WWOX: variants seen among roughly 807,000 people sequenced by gnomAD.
WWOX encodes WW domain-containing oxidoreductase.
In WWOX, 69 loss-of-function variants were observed where a neutral mutation model predicts 46.2. The ratio of observed to expected loss-of-function variants is 1.49; its 90% CI spans 1.23 to 1.82. WWOX has a LOEUF of 1.82. Ranked by LOEUF, WWOX falls within the 40% of genes most tolerant of loss-of-function variation. WWOX has a pLI of 0.00. For missense variants in WWOX, 919 were observed against 542.6 expected (o/e 1.69, Z -6.89); for synonymous variants, 359 against 202.6 (o/e 1.77, Z -6.56).
At chr16:78,572,488 A>G (rs1302138091) in intron 8 of WWOX, among the ~76,000 whole-genome samples, 2 of 150,592 alleles carry the variant, frequency 1.3e-5, no homozygotes, top group African/African-American at 4.9e-5. Context: ...CAGGGGTCTC[A>G]GGTACTTGGG....
chr16:78,975,456 A>T (rs1424695370), intron 8 of WWOX, among the ~76,000 whole-genome samples: 5 of 146,350 alleles, frequency 3.4e-5, no homozygotes, highest in African/African-American at 1.3e-4. Flanking sequence ...GGGTTCCCCA[A>T]CCTTTTTTTT....
rs375542888 is a variant in WWOX, at chr16:78,613,911, A to G, written c.1056+181159A>G. On this transcript the variant is annotated intron_variant, in intron 8 of 8. Coordinates refer to ENST00000566780, the MANE Select transcript of WWOX (RefSeq NM_016373.4). ...TAGGCCAAATCTGGCCTGTTTTTGT[A>G]AATAAAGTTTTATTGCTATACAGCT... Among the ~76,000 whole-genome samples the G allele has an allele frequency of 3.3e-5, 5 of 152,220 alleles. No individual in the cohort carries two copies. The East Asian group carries it at 7.7e-4, about 23-fold the overall frequency.
rs202006159 is a variant in WWOX, at chr16:78,424,899, C to T, written c.635C>T (p.Ala212Val). ...VPLHVLVCNA[A>V]TFALPWSLTK... ...CTTCATGTGCTTGTGTGCAACGCAG[C>T]AACTTTTGCTCTACCCTGGAGTCTC... The change falls in exon 7 of 9, where the codon GCA becomes GTA. Residue 212 changes from alanine (A) to valine (V), a missense_variant. Coordinates refer to ENST00000566780, the MANE Select transcript of WWOX (RefSeq NM_016373.4). 7.2e-5 allele frequency: 116 copies of T among 1,614,146 alleles called. 1 individual carries two copies. The highest frequency in any genetic ancestry group is 9.7e-5 in the Non-Finnish European group (114 of 1,180,030).
chr16:78,931,139 G>A (rs1179116235), intron 8 of WWOX, among the ~76,000 whole-genome samples: 2 of 152,174 alleles, frequency 1.3e-5, no homozygotes, highest in African/African-American at 2.4e-5. Context: ...TCCTATCATT[G>A]TCCTTAAGGA....
intron 8 of WWOX, among the ~76,000 whole-genome samples, chr16:78,640,775 C>T (rs2046687943): frequency 6.6e-6 from 1 of 151,814 alleles, no homozygotes; most frequent in Non-Finnish European, 1.5e-5. Context: ...CCCGACTCTA[C>T]TAAAATACAA....
At chr16:78,956,462 G>A (rs1567436598) in intron 8 of WWOX, among the ~76,000 whole-genome samples, 1 of 152,058 alleles carries the variant, frequency 6.6e-6, no homozygotes, top group African/African-American at 2.4e-5. Context: ...GCCTGTATTT[G>A]TTTTAATTGA....
chr16:78,894,639 TA>T (rs1247888472), intron 8 of WWOX, among the ~76,000 whole-genome samples: 4 of 152,158 alleles, frequency 2.6e-5, no homozygotes, highest in Admixed American at 6.5e-5. Flanking sequence ...AGGTGGTACT[TA>T]TACCTACCCA....
chr16:78,475,841 C>T, intron 8 of WWOX, among the ~76,000 whole-genome samples: 1 of 152,124 alleles, frequency 6.6e-6, no homozygotes, highest in Non-Finnish European at 1.5e-5. Flanking sequence ...ATGATCTGCC[C>T]ACCTCAACCT....
At chr16:78,380,817 A>T (rs967382224) in intron 5 of WWOX, among the ~76,000 whole-genome samples, 1 of 152,194 alleles carries the variant, frequency 6.6e-6, no homozygotes, top group Non-Finnish European at 1.5e-5. Context: ...CTGAAAAAAG[A>T]AAACAAGGGA....
At chr16:79,069,568 T>G (rs1001541622) in intron 8 of WWOX, among the ~76,000 whole-genome samples, 4 of 152,048 alleles carry the variant, frequency 2.6e-5, no homozygotes, top group Non-Finnish European at 4.4e-5. Context: ...GTTTTTTTTT[T>G]TTTTTAAAGC....
At chr16:78,524,851 TTTTG>T (rs1387796684) in intron 8 of WWOX, among the ~76,000 whole-genome samples, 1 of 147,796 alleles carries the variant, frequency 6.8e-6, no homozygotes, top group East Asian at 2.0e-4. Flanking sequence ...AATGCGTTGA[TTTTG>T]TTTTTCTTTC....
At chr16:78,256,589 G>A (rs552139280) in intron 5 of WWOX, among the ~76,000 whole-genome samples, 1 of 151,920 alleles carries the variant, frequency 6.6e-6, no homozygotes, top group East Asian at 2.0e-4. Context: ...AGGGTCATTA[G>A]CAAACTGTCC....
chr16:78,874,919 A>G lies in WWOX; in HGVS notation c.1057-336689A>G, dbSNP rs529206807. ...GCTCCCCTTCAAGCATAGAGACACA[A>G]CCCTGTGAAAACATGCATTGGAACC... On this transcript the variant is annotated intron_variant, in intron 8 of 8. Coordinates refer to ENST00000566780, the MANE Select transcript of WWOX (RefSeq NM_016373.4). Among the ~76,000 whole-genome samples the G allele has an allele frequency of 2.0e-5, 3 of 151,986 alleles. No homozygotes were observed. The East Asian group carries it at 5.8e-4, about 29-fold the overall frequency.
intron 5 of WWOX, among the ~76,000 whole-genome samples, chr16:78,180,074 A>C (rs866669118): frequency 1.3e-5 from 2 of 152,154 alleles, no homozygotes; most frequent in African/African-American, 4.8e-5. Flanking sequence ...TTTCATGTTG[A>C]TGTTACTGAA....
At chr16:79,066,607 G>T (rs1161395859) in intron 8 of WWOX, among the ~76,000 whole-genome samples, 1 of 152,304 alleles carries the variant, frequency 6.6e-6, no homozygotes, top group East Asian at 1.9e-4. Flanking sequence ...TTTACAGCTG[G>T]CAAGGCCAGC....
chr16:78,940,825 G>T (rs1014604357), intron 8 of WWOX, among the ~76,000 whole-genome samples: 1 of 151,910 alleles, frequency 6.6e-6, no homozygotes, highest in East Asian at 1.9e-4. Context: ...CAAGAGAAGA[G>T]GTTGATCCCG....
rs1274244161 is a variant in WWOX, at chr16:79,013,217, C to A, written c.1057-198391C>A. On this transcript the variant is annotated intron_variant, in intron 8 of 8. Transcript: ENST00000566780. The stretch of plus-strand genomic sequence containing the variant: ...CTTTAGCTCACTGTGCAGGAAGAGG[C>A]CTTCCTCTGTGCATCCTCCCACAGG... 3.3e-5 allele frequency among the ~76,000 whole-genome samples: 5 copies of A among 152,288 alleles called. No individual in the cohort carries two copies. In the South Asian group the frequency reaches 8.3e-4, roughly 25 times the overall value.
At chr16:78,847,583 C>T (rs2052333639) in intron 8 of WWOX, among the ~76,000 whole-genome samples, 1 of 152,002 alleles carries the variant, frequency 6.6e-6, no homozygotes, top group Non-Finnish European at 1.5e-5. Context: ...ATTCTCCCGC[C>T]TCAGCTTCCC....
chr16:78,650,234 C>G (rs1268699671), intron 8 of WWOX, among the ~76,000 whole-genome samples: 1 of 152,150 alleles, frequency 6.6e-6, no homozygotes, highest in Non-Finnish European at 1.5e-5. Flanking sequence ...ATACAGTGAC[C>G]ATAGTGTTTC....
Sources: allele counts gnomAD v4.1 joint callset (sites outside exome capture counted in the v4.1 genomes callset), GRCh38; gene constraint gnomAD v4.1.1; transcripts MANE v1.5; gene names NCBI Gene and HGNC (gene_info 2026-07-23, HGNC 2026-07-21).